The following POLR3B variants were observed in gnomAD, a reference collection of about 807,000 sequenced individuals.
POLR3B encodes DNA-directed RNA polymerase III subunit RPC2.
In POLR3B, 96 loss-of-function variants were observed where a neutral mutation model predicts 147.4. That is an observed-to-expected ratio of 0.65 (90% confidence interval 0.55 to 0.77). POLR3B has a LOEUF of 0.77. POLR3B is among the 30% of genes least tolerant of loss of function. The pLI, the probability that POLR3B is intolerant of heterozygous loss-of-function variation, is 0.00. For synonymous variants in POLR3B, 461 were observed against 485.9 expected (o/e 0.95, Z 0.67); for missense variants, 1,036 against 1,413.5 (o/e 0.73, Z 4.28).
intron 23 of POLR3B, among the ~76,000 whole-genome samples, chr12:106,484,076 C>T (rs1218231694): frequency 6.6e-6 from 1 of 152,166 alleles, no homozygotes; most frequent in African/African-American, 2.4e-5. Flanking sequence ...TCTTCTCTTG[C>T]AGGCTGCCTG....
intron 25 of POLR3B, among the ~76,000 whole-genome samples, chr12:106,498,927 CA>C (rs2038547981): frequency 6.6e-6 from 1 of 152,168 alleles, no homozygotes; most frequent in South Asian, 2.1e-4. Context: ...AGCATGGAAG[CA>C]AATGTAAGAA....
At chr12:106,487,330 G>C (rs2038353922) in intron 23 of POLR3B, among the ~76,000 whole-genome samples, 1 of 152,166 alleles carries the variant, frequency 6.6e-6, no homozygotes. Context: ...GTTGAACTTA[G>C]TTTTTAATCC....
At position 106,507,324 on chromosome 12, in the gene POLR3B, G is replaced by A. The variant is rs115272903; in HGVS notation, c.3273-2096G>A. On this transcript the variant is annotated intron_variant, in intron 27 of 27. Coordinates refer to ENST00000228347, the MANE Select transcript of POLR3B (RefSeq NM_018082.6). ...TAAGGTTTTATACACACACATGCAC[G>A]TTGGAACATTTTAAATGATGGAGAA... Among the ~76,000 whole-genome samples the A allele has an allele frequency of 9.9e-4, 150 of 152,272 alleles. 2 individuals carry two copies. Among genetic ancestry groups the A allele is most frequent in the African/African-American group, 3.4e-3 (141 of 41,568 alleles).
At chr12:106,360,935 ATG>A (rs1400080366) in intron 1 of POLR3B, among the ~76,000 whole-genome samples, 1 of 152,200 alleles carries the variant, frequency 6.6e-6, no homozygotes, top group Non-Finnish European at 1.5e-5. Flanking sequence ...GGTAGCTAGG[ATG>A]TGATGCCTGA....
intron 14 of POLR3B, among the ~76,000 whole-genome samples, chr12:106,432,067 C>T (rs766106542): frequency 1.1e-4 from 16 of 152,278 alleles, no homozygotes; most frequent in Non-Finnish European, 2.1e-4. Context: ...TTTACAATTA[C>T]AAATAGTACT....
rs866749773 is a variant in POLR3B at position 106,477,893 on chromosome 12, T to C, written c.2713+14273T>C. Among the ~76,000 whole-genome samples the C allele has an allele frequency of 8.3e-3, 346 of 41,608 alleles. 18 individuals are homozygous for C. The highest frequency in any genetic ancestry group is 0.07 in the African/African-American group (306 of 4,390). The allele number at this position is 41,608 out of a possible 152,430, so 27.3% of individuals were successfully genotyped here. Reference sequence around the variant, plus strand: ...ATTCGGCCATCTTGGCTCCTCCCCTTTTTTTTTTTTTTTTTTTTTTTTTTT... The same window carrying C: ...ATTCGGCCATCTTGGCTCCTCCCCTCTTTTTTTTTTTTTTTTTTTTTTTTT... On this transcript the variant is annotated intron_variant, in intron 23 of 27. Coordinates refer to ENST00000228347, the MANE Select transcript of POLR3B (RefSeq NM_018082.6).
intron 18 of POLR3B, among the ~76,000 whole-genome samples, chr12:106,442,679 T>C (rs2037668718): frequency 6.6e-6 from 1 of 150,602 alleles, no homozygotes; most frequent in Non-Finnish European, 1.5e-5. Context: ...TTTTACCAGG[T>C]ACATTCCATT....
At chr12:106,380,449 G>C (rs1455827035) in intron 9 of POLR3B, among the ~76,000 whole-genome samples, 1 of 151,646 alleles carries the variant, frequency 6.6e-6, no homozygotes, top group Non-Finnish European at 1.5e-5. Context: ...TGAGTGTGGT[G>C]GTGTGCATCT....
chr12:106,394,986 C>T (rs1346295973), intron 10 of POLR3B, among the ~76,000 whole-genome samples: 1 of 152,188 alleles, frequency 6.6e-6, no homozygotes, highest in Non-Finnish European at 1.5e-5. Context: ...GTAGTAAGTA[C>T]ACTTTATATT....
Position 106,479,662 on chromosome 12 carries a change from C to T in POLR3B, c.2713+16042C>T, listed in dbSNP as rs571205675. Reference sequence around the variant, plus strand: ...CCTCCCAAAGTGCTGGGATTACAGGCGTGAGCCAGCGCACCCAGCCTATTC... The same window carrying T: ...CCTCCCAAAGTGCTGGGATTACAGGTGTGAGCCAGCGCACCCAGCCTATTC... On this transcript the variant is annotated intron_variant, in intron 23 of 27. Coordinates refer to ENST00000228347, the MANE Select transcript of POLR3B (RefSeq NM_018082.6). Among the ~76,000 whole-genome samples the T allele has an allele frequency of 5.1e-4, 77 of 152,246 alleles. No homozygotes were observed. The South Asian group carries it at 6.2e-3, about 12-fold the overall frequency.
Position 106,501,411 on chromosome 12 carries a change from C to T in POLR3B, c.3073C>T (p.Arg1025Trp). Residue 1025 changes from arginine to tryptophan, a missense_variant, in exon 26 of 28, where the codon CGG becomes TGG. Around this residue, in one of 12 missense-constraint regions of POLR3B, gnomAD observed 18 missense variants for 73.4 expected, o/e 0.25. Coordinates refer to ENST00000228347, the MANE Select transcript of POLR3B (RefSeq NM_018082.6). The stretch of plus-strand genomic sequence containing the variant: ...GCTAGATAAAATGCATGCCCGGGCC[C>T]GGGGCCCACGAGCCGTCCTTACCAG... The part of the protein sequence containing the change: ...MVLDKMHARA[R>W]GPRAVLTRQP... The T allele has an allele frequency of 1.9e-6, 3 of 1,611,900 alleles. No individual in the cohort carries two copies. The highest frequency in any genetic ancestry group is 2.5e-6 in the Non-Finnish European group (3 of 1,178,026).
At chr12:106,505,896 G>C (rs903218623) in intron 27 of POLR3B, among the ~76,000 whole-genome samples, 1 of 152,174 alleles carries the variant, frequency 6.6e-6, no homozygotes, top group African/African-American at 2.4e-5. Context: ...TGAACAAGTG[G>C]GCTCCTTAAA....
At chr12:106,506,741 T>G (rs1016676796) in intron 27 of POLR3B, among the ~76,000 whole-genome samples, 17 of 152,220 alleles carry the variant, frequency 1.1e-4, no homozygotes, top group African/African-American at 3.6e-4. Context: ...ACTGTATGTC[T>G]GATTTTGAGT....
intron 19 of POLR3B, among the ~76,000 whole-genome samples, chr12:106,447,720 G>T (rs1162569080): frequency 6.6e-6 from 1 of 152,148 alleles, no homozygotes; most frequent in African/African-American, 2.4e-5. Flanking sequence ...CTGTGTAAAG[G>T]ATCATTCAGT....
At chr12:106,365,988 G>A (rs1028018746) in intron 2 of POLR3B, among the ~76,000 whole-genome samples, 4 of 152,106 alleles carry the variant, frequency 2.6e-5, no homozygotes, top group Non-Finnish European at 5.9e-5. Flanking sequence ...TTCATGGACA[G>A]TAACACACAT....
chr12:106,421,318 A>G (rs974531756), intron 12 of POLR3B, among the ~76,000 whole-genome samples: 1 of 152,092 alleles, frequency 6.6e-6, no homozygotes, highest in African/African-American at 2.4e-5. Context: ...TTGCCTAGTC[A>G]TGGAGTCAGA....
In POLR3B at chr12:106,509,789, C is replaced by A; in HGVS notation, c.*240C>A. 1 of 447,658 alleles carries A rather than the reference C, an allele frequency of 2.2e-6. No homozygotes were observed. The highest frequency in any genetic ancestry group is 4.6e-5 in the East Asian group (1 of 21,886). The allele number at this position is 447,658 out of a possible 1,614,324, so 27.7% of individuals were successfully genotyped here. ...ATGTGGACTGCAAGGCTGCTTGATT[C>A]ACAGATGGATGTGACCTAAAGGATA... On this transcript the variant is annotated 3_prime_UTR_variant, in exon 28 of 28. Transcript: ENST00000228347.
intron 9 of POLR3B, among the ~76,000 whole-genome samples, chr12:106,384,408 A>C (rs1180555524): frequency 6.6e-6 from 1 of 152,212 alleles, no homozygotes; most frequent in African/African-American, 2.4e-5. Flanking sequence ...GAATTCACTT[A>C]CTTGCTAAAA....
chr12:106,434,719 G>A (rs187335006), intron 16 of POLR3B, among the ~76,000 whole-genome samples: 2 of 152,300 alleles, frequency 1.3e-5, no homozygotes, highest in Admixed American at 6.5e-5. Flanking sequence ...GCACAAGGCA[G>A]TGAGCCAGCA....
Sources: allele counts gnomAD v4.1 joint callset (sites outside exome capture counted in the v4.1 genomes callset), GRCh38; gene constraint gnomAD v4.1.1; regional missense constraint gnomAD v4.1.1; transcripts MANE v1.5; gene names NCBI Gene and HGNC (gene_info 2026-07-23, HGNC 2026-07-21).